Variants in EED observed in about 807,000 individuals in gnomAD.
EED encodes embryonic ectoderm development.
In EED, 9 loss-of-function variants were observed where a neutral mutation model predicts 61.0. The ratio of observed to expected loss-of-function variants is 0.15; its 90% CI spans 0.09 to 0.26. The LOEUF (loss-of-function observed/expected upper bound fraction) is 0.26. Ranked by LOEUF, EED falls within the 10% of genes least tolerant of loss-of-function variation. The probability of loss-of-function intolerance (pLI) is 1.00; values close to 1 mark genes in which losing one functional copy is unlikely to be tolerated. For missense variants in EED, 315 were observed against 542.3 expected (o/e 0.58, Z 4.16); for synonymous variants, 187 against 174.4 (o/e 1.07, Z -0.57).
chr11:86,247,205 T>C (rs1216022054), intron 1 of EED, among the ~76,000 whole-genome samples: 2 of 152,234 alleles, frequency 1.3e-5, no homozygotes, highest in Non-Finnish European at 2.9e-5. Flanking sequence ...ATGATTGGAT[T>C]AGTTTTGTTT....
intron 4 of EED, among the ~76,000 whole-genome samples, chr11:86,255,541 A>G (rs1365978688): frequency 6.6e-6 from 1 of 152,158 alleles, no homozygotes; most frequent in African/African-American, 2.4e-5. Context: ...TTGGGTGCAG[A>G]TGTCTATAGA....
chr11:86,255,399 C>A, intron 4 of EED, 112 bp downstream of exon 4: 1 of 851,092 alleles, frequency 1.2e-6, no homozygotes, highest in South Asian at 2.0e-5. Context: ...CTTTCTTAAC[C>A]GATTTCTTCA....
Position 86,245,183 on chromosome 11 carries a change from G to T in EED, c.-47G>T. 6.5e-7 allele frequency: 1 copy of T among 1,536,282 alleles called. No individual in the cohort carries two copies. The highest frequency in any genetic ancestry group is 8.9e-7 in the Non-Finnish European group (1 of 1,118,780). ...CGGGCTTGCTTGACGGCGGTGTGGCGGAGGCCCCGCCCCAGGCGGCAGGAA... is the reference window on the plus strand; with the variant it reads ...CGGGCTTGCTTGACGGCGGTGTGGCTGAGGCCCCGCCCCAGGCGGCAGGAA... On this transcript the variant is annotated 5_prime_UTR_variant, in exon 1 of 12. Transcript: ENST00000263360.
chr11:86,260,366 A>G (rs1377747547), intron 6 of EED, among the ~76,000 whole-genome samples: 2 of 151,384 alleles, frequency 1.3e-5, no homozygotes, highest in Non-Finnish European at 2.9e-5. Context: ...AGCTGGGACT[A>G]CATGTGCACA....
At chr11:86,255,628 C>A (rs1235878127) in intron 4 of EED, among the ~76,000 whole-genome samples, 1 of 151,680 alleles carries the variant, frequency 6.6e-6, no homozygotes, top group Non-Finnish European at 1.5e-5. Flanking sequence ...TTGACCTTGC[C>A]TAGAATATAT....
chr11:86,286,277 G>A, the EED span, among the ~76,000 whole-genome samples: 2 of 151,744 alleles, frequency 1.3e-5, no homozygotes, highest in African/African-American at 2.4e-5. Flanking sequence ...CTGGCCTCAA[G>A]TGATCCGCCC....
chr11:86,277,307 A>ATCAAATAC, intron 10 of EED, 169 bp downstream of exon 10: 1 of 564,786 alleles, frequency 1.8e-6, no homozygotes, highest in Non-Finnish European at 2.8e-6. Flanking sequence ...GGTGTTATTC[A>ATCAAATAC]TTCTACTTTT....
At chr11:86,257,087 G>A (rs1277251922) in intron 5 of EED, among the ~76,000 whole-genome samples, 1 of 151,660 alleles carries the variant, frequency 6.6e-6, no homozygotes, top group Non-Finnish European at 1.5e-5. Context: ...GCCCGGGCTG[G>A]AATGTAGTAG....
Position 86,278,699 on chromosome 11 carries a change from C to T in EED, c.*174C>T. ...TTACATTCTTTGTACTGTCTTCCTG[C>T]TCAGACTCTACTGCTTTTAATAAAA... On this transcript the variant is annotated 3_prime_UTR_variant, in exon 12 of 12. Transcript: ENST00000263360. The T allele has an allele frequency of 1.4e-6, 1 of 725,254 alleles. No individual in the cohort carries two copies. The highest frequency in any genetic ancestry group is 3.2e-5 in the East Asian group (1 of 31,534). The allele number at this position is 725,254 out of a possible 1,614,324, so 44.9% of individuals were successfully genotyped here. A position where few individuals can be genotyped will look rare whatever the true frequency, so the allele number is the denominator to read the frequency against.
In EED at chr11:86,277,030, T is replaced by C; in HGVS notation, c.1017T>C (p.Asp339=). 1.3e-6 allele frequency: 2 copies of C among 1,561,872 alleles called. No homozygotes were observed. The highest frequency in any genetic ancestry group is 1.7e-6 in the Non-Finnish European group (2 of 1,145,382). ...GGAAACCTGGCAAGATGGAAGATGA[T>C]ATAGATAAAATTAAACCCAGTGAAT... ...VCWKPGKMED[D]IDKIKPSESN... Residue 339 remains aspartate (D), a synonymous_variant, in exon 10 of 12, where the codon GAT becomes GAC. Coordinates refer to ENST00000263360, the MANE Select transcript of EED (RefSeq NM_003797.5).
intron 3 of EED, among the ~76,000 whole-genome samples, chr11:86,254,048 C>CAAAAAAAAAAAAAAA (rs201298345): frequency 1.6e-4 from 9 of 56,310 alleles, no homozygotes; most frequent in African/African-American, 4.1e-4. Flanking sequence ...AACTCTGTCT[C>CAAAAAAAAAAAAAAA]AAAAAAAAAA....
intron 9 of EED, chr11:86,270,139 G>A (rs1488335838): frequency 1.7e-5 from 12 of 700,448 alleles, no homozygotes; most frequent in South Asian, 5.9e-5. Context: ...CAGTGTCTCC[G>A]AATCTTCGCC....
chr11:86,245,478 A>G, intron 1 of EED, 135 bp downstream of exon 1: 3 of 744,744 alleles, frequency 4.0e-6, no homozygotes, highest in Non-Finnish European at 4.5e-6. Flanking sequence ...GGCGTGCGGG[A>G]GAAAATTGAA....
At chr11:86,269,994 A>G (rs1946074685) in intron 9 of EED, 1 of 605,934 alleles carries the variant, frequency 1.7e-6, no homozygotes, top group African/African-American at 1.9e-5. Flanking sequence ...TTAAGTTTTC[A>G]TTTCTCTGGG....
At chr11:86,264,664 G>A (rs1213115736) in intron 7 of EED, 1 of 154,966 alleles carries the variant, frequency 6.5e-6, no homozygotes, top group African/African-American at 2.4e-5. Context: ...CTATTTGGAA[G>A]TGTTTTATTG....
Position 86,252,257 on chromosome 11 carries a change from C to G in EED, c.360+17C>G. The G allele has an allele frequency of 6.5e-7, 1 of 1,548,572 alleles. No homozygotes were observed. The highest frequency in any genetic ancestry group is 8.8e-7 in the Non-Finnish European group (1 of 1,131,722). ...AGCAACAGAGTGAGTGTTAAGGGGTCTATTTAGTATTTGGCTTGATTTCCA... is the reference window on the plus strand; with the variant it reads ...AGCAACAGAGTGAGTGTTAAGGGGTGTATTTAGTATTTGGCTTGATTTCCA... On this transcript the variant is annotated intron_variant, in intron 3 of 11. Coordinates refer to ENST00000263360, the MANE Select transcript of EED (RefSeq NM_003797.5).
downstream of EED, among the ~76,000 whole-genome samples, chr11:86,283,198 C>T (rs893280556): frequency 7.9e-5 from 12 of 151,766 alleles, no homozygotes; most frequent in East Asian, 1.9e-4. Context: ...TTAAGTCAAC[C>T]GAATAGTTTA....
chr11:86,259,500 A>G (rs1157699955), intron 6 of EED, among the ~76,000 whole-genome samples: 1 of 152,076 alleles, frequency 6.6e-6, no homozygotes, highest in Non-Finnish European at 1.5e-5. Context: ...ATGTTTTTGT[A>G]GAGATGAGGT....
intron 8 of EED, among the ~76,000 whole-genome samples, chr11:86,267,097 G>C (rs1195986586): frequency 6.6e-6 from 1 of 152,032 alleles, no homozygotes; most frequent in African/African-American, 2.4e-5. Flanking sequence ...TTATTTTCTA[G>C]ATATCTGGAA....
Sources: allele counts gnomAD v4.1 joint callset (sites outside exome capture counted in the v4.1 genomes callset), GRCh38; gene constraint gnomAD v4.1.1; transcripts MANE v1.5; gene names NCBI Gene and HGNC (gene_info 2026-07-23, HGNC 2026-07-21).